The following KCTD8 variants were observed in gnomAD, a reference collection of about 807,000 sequenced individuals.
KCTD8 encodes the protein potassium channel tetramerization domain containing 8.
Under a neutral mutation model 31.5 loss-of-function variants are expected in KCTD8, and 27 were observed. The ratio of observed to expected loss-of-function variants is 0.86; its 90% CI spans 0.63 to 1.18. The LOEUF (loss-of-function observed/expected upper bound fraction) is 1.18, where lower values mean the gene tolerates loss of function less well. Ranked by LOEUF, KCTD8 falls within the 50% of genes most tolerant of loss-of-function variation. The pLI is 0.00. For synonymous variants in KCTD8, 290 were observed against 280.0 expected, an observed-to-expected ratio of 1.04 and a Z score of -0.36; for missense variants, 658 against 647.7, an observed-to-expected ratio of 1.02 and a Z score of -0.17.
chr4:44,260,652 C>A (rs778508304), intron 1 of KCTD8, among the ~76,000 whole-genome samples: 1 of 151,832 alleles, frequency 6.6e-6, no homozygotes, highest in Non-Finnish European at 1.5e-5. Context: ...AGCAAAGAGC[C>A]TGCAATGTCA....
At chr4:44,395,331 A>G (rs1167065146) in intron 1 of KCTD8, among the ~76,000 whole-genome samples, 2 of 152,114 alleles carry the variant, frequency 1.3e-5, no homozygotes, top group Admixed American at 1.3e-4. Context: ...AACTGTTGAC[A>G]TAGCTGCATA....
intron 1 of KCTD8, among the ~76,000 whole-genome samples, chr4:44,296,436 T>G (rs1717437060): frequency 6.6e-6 from 1 of 152,166 alleles, no homozygotes; most frequent in South Asian, 2.1e-4. Flanking sequence ...ATGTGTTAAT[T>G]AGGCATTTAT....
At chr4:44,420,004 A>C (rs1434496687) in intron 1 of KCTD8, among the ~76,000 whole-genome samples, 1 of 152,136 alleles carries the variant, frequency 6.6e-6, no homozygotes, top group Non-Finnish European at 1.5e-5. Flanking sequence ...GAGAAGGCAC[A>C]GAATAAAGAA....
chr4:44,319,062 A>G (rs1220683813), intron 1 of KCTD8, among the ~76,000 whole-genome samples: 1 of 152,176 alleles, frequency 6.6e-6, no homozygotes, highest in Non-Finnish European at 1.5e-5. Context: ...TTTTCATTCT[A>G]TTGCTTTTAT....
At chr4:44,268,322 G>A (rs1716458009) in intron 1 of KCTD8, among the ~76,000 whole-genome samples, 1 of 152,036 alleles carries the variant, frequency 6.6e-6, no homozygotes, top group East Asian at 1.9e-4. Context: ...ATGCAGAAAA[G>A]GCCTTTGACA....
chr4:44,203,612 A>G (rs571542700), intron 1 of KCTD8, among the ~76,000 whole-genome samples: 7 of 151,766 alleles, frequency 4.6e-5, no homozygotes, highest in Non-Finnish European at 8.8e-5. Context: ...GGAGCTTAAT[A>G]TGAAAGAAAG....
rs548580771 is a variant in KCTD8, at chr4:44,194,854, ACT to A, written c.962-19606_962-19605del. On this transcript the variant is annotated intron_variant, in intron 1 of 1. Coordinates refer to ENST00000360029, the MANE Select transcript of KCTD8 (RefSeq NM_198353.3). ...CTTCCTTCCTTCCCTCTTTCCTTTC[ACT>A]CTCTCTCTTTTTTTTTTGGATGGAG... Among the ~76,000 whole-genome samples the A allele has an allele frequency of 8.3e-4, 68 of 81,686 alleles. 1 individual carries two copies. The Middle Eastern group carries it at 0.034, about 41-fold the overall frequency. The allele number at this position is 81,686 out of a possible 152,430, so 53.6% of individuals were successfully genotyped here.
intron 1 of KCTD8, among the ~76,000 whole-genome samples, chr4:44,400,690 C>G (rs1720625467): frequency 7.2e-6 from 1 of 139,664 alleles, no homozygotes. Context: ...AATCGTGCCA[C>G]TGGACTCCAG....
At chr4:44,418,916 C>T (rs1721143394) in intron 1 of KCTD8, among the ~76,000 whole-genome samples, 1 of 152,130 alleles carries the variant, frequency 6.6e-6, no homozygotes, top group Non-Finnish European at 1.5e-5. Flanking sequence ...CCAGTTTGTT[C>T]ACATGACAAC....
At chr4:44,236,680 A>G (rs1468519703) in intron 1 of KCTD8, among the ~76,000 whole-genome samples, 1 of 152,182 alleles carries the variant, frequency 6.6e-6, no homozygotes, top group African/African-American at 2.4e-5. Context: ...GTGTGTCTAC[A>G]TGGAGGACCA....
Position 44,448,761 on chromosome 4 carries a change from A to T in KCTD8, c.-238T>A. Reference sequence around the variant, plus strand: ...TCCGCCGGTGCGGCGGCGGCAATGGAGAGGCAAGAAGGAGCTGCTGCTCCT... The same window carrying T: ...TCCGCCGGTGCGGCGGCGGCAATGGTGAGGCAAGAAGGAGCTGCTGCTCCT... On this transcript the variant is annotated 5_prime_UTR_variant, in exon 1 of 2. Coordinates refer to ENST00000360029, the MANE Select transcript of KCTD8 (RefSeq NM_198353.3). The surrounding 1 kb of genome is among the most constrained non-coding windows in gnomAD (Gnocchi z 4.1). The T allele has an allele frequency of 2.7e-6, 1 of 377,278 alleles. No homozygotes were observed. The highest frequency in any genetic ancestry group is 4.7e-6 in the Non-Finnish European group (1 of 214,458). 23.4% of individuals were successfully genotyped at this position (377,278 alleles called of 1,614,324 possible).
At chr4:44,426,786 T>G (rs1486984023) in intron 1 of KCTD8, among the ~76,000 whole-genome samples, 1 of 151,820 alleles carries the variant, frequency 6.6e-6, no homozygotes, top group Non-Finnish European at 1.5e-5. Context: ...AAATAATTCA[T>G]ACCTTTTAAG....
At chr4:44,253,650 T>C (rs1715907200) in intron 1 of KCTD8, among the ~76,000 whole-genome samples, 1 of 151,806 alleles carries the variant, frequency 6.6e-6, no homozygotes, top group Non-Finnish European at 1.5e-5. Context: ...TCCCAGTCTT[T>C]CTATACTGGT....
chr4:44,422,190 A>G (rs749124007), intron 1 of KCTD8, among the ~76,000 whole-genome samples: 5 of 152,094 alleles, frequency 3.3e-5, no homozygotes, highest in African/African-American at 4.8e-5. Context: ...CCCTCTCTCA[A>G]AGGAAATGAT....
At chr4:44,235,567 A>ATATATATATATG (rs1715261852) in intron 1 of KCTD8, among the ~76,000 whole-genome samples, 1 of 73,408 alleles carries the variant, frequency 1.4e-5, no homozygotes, top group Non-Finnish European at 2.6e-5. Flanking sequence ...ATATATATAT[A>ATATATATATATG]TATATATATT....
chr4:44,369,154 A>C (rs1429042488), intron 1 of KCTD8, among the ~76,000 whole-genome samples: 1 of 152,216 alleles, frequency 6.6e-6, no homozygotes, highest in Non-Finnish European at 1.5e-5. Flanking sequence ...CACTGGAATG[A>C]GAATGGATTA....
chr4:44,266,651 C>T (rs1370760830), intron 1 of KCTD8, among the ~76,000 whole-genome samples: 1 of 150,908 alleles, frequency 6.6e-6, no homozygotes, highest in African/African-American at 2.4e-5. Context: ...GGAAACCCAT[C>T]TCACGTGCAG....
At chr4:44,192,570 G>C (rs1713797683) in intron 1 of KCTD8, among the ~76,000 whole-genome samples, 1 of 151,744 alleles carries the variant, frequency 6.6e-6, no homozygotes, top group Admixed American at 6.6e-5. Flanking sequence ...ACTATGTTTT[G>C]TAGTAAAGTA....
intron 1 of KCTD8, among the ~76,000 whole-genome samples, chr4:44,339,694 T>C (rs1394649532): frequency 2.0e-5 from 3 of 152,076 alleles, no homozygotes; most frequent in Non-Finnish European, 2.9e-5. Context: ...CTTAAAATAA[T>C]AGTAAATGTT....
Sources: allele counts gnomAD v4.1 joint callset (sites outside exome capture counted in the v4.1 genomes callset), GRCh38; gene constraint gnomAD v4.1.1; non-coding constraint Gnocchi (gnomAD v3.1); transcripts MANE v1.5; gene names NCBI Gene and HGNC (gene_info 2026-07-23, HGNC 2026-07-21).